Variants in RBBP8NL observed in about 807,000 individuals in gnomAD.
RBBP8NL encodes the protein RBBP8 N-terminal-like protein.
Under a neutral mutation model 62.2 loss-of-function variants are expected in RBBP8NL, and 59 were observed. The ratio of observed to expected loss-of-function variants is 0.95; its 90% CI spans 0.77 to 1.18. The LOEUF (loss-of-function observed/expected upper bound fraction) is 1.18. RBBP8NL is among the 50% of genes most tolerant of loss of function. The pLI, the probability that RBBP8NL is intolerant of heterozygous loss-of-function variation, is 0.00. For synonymous variants in RBBP8NL, 412 were observed against 394.1 expected (o/e 1.05, Z -0.54); for missense variants, 896 against 899.5 (o/e 1.00, Z 0.05).
intron 1 of RBBP8NL, among the ~76,000 whole-genome samples, chr20:62,427,214 A>G (rs1385353649): frequency 1.3e-5 from 2 of 152,208 alleles, no homozygotes; most frequent in Non-Finnish European, 2.9e-5. Context: ...GTGCCAGACT[A>G]GGCCTGGCCT....
At chr20:62,416,303 C>A in intron 5 of RBBP8NL, 67 bp from the exon 6 acceptor site, 1 of 1,293,554 alleles carries the variant, frequency 7.7e-7, no homozygotes, top group South Asian at 1.3e-5. Flanking sequence ...GTGGGGTCGT[C>A]ACAGCACCAG....
At chr20:62,427,409 C>T (rs981194666) in intron 1 of RBBP8NL, 51 bp downstream of exon 1, 1 of 152,294 alleles carries the variant, frequency 6.6e-6, no homozygotes, top group Non-Finnish European at 1.5e-5. Flanking sequence ...CCAGGGATCC[C>T]AGCTCACCCG....
At chr20:62,426,137 TGGTAGC>T (rs949215141) in intron 1 of RBBP8NL, among the ~76,000 whole-genome samples, 3 of 150,470 alleles carry the variant, frequency 2.0e-5, no homozygotes, top group Non-Finnish European at 4.4e-5. Context: ...GCAGTGGCAG[TGGTAGC>T]AGTAGCAGTG....
chr20:62,414,003 C>A lies in RBBP8NL; in HGVS notation c.1348G>T (p.Ala450Ser). The A allele has an allele frequency of 1.3e-6, 2 of 1,572,304 alleles. No individual in the cohort carries two copies. The highest frequency in any genetic ancestry group is 1.7e-6 in the Non-Finnish European group (2 of 1,159,588). The change falls in exon 10 of 14, where the codon GCC (alanine) becomes TCC (serine). Residue 450 changes from alanine (A) to serine (S), a missense_variant. Coordinates refer to ENST00000252998, the MANE Select transcript of RBBP8NL (RefSeq NM_080833.3). ...GGCTTGGGAGTGTCCTGGCCCCGGG[C>A]CCGGCCCCACTCCGAGAGGTCCAGG... Reference protein sequence around the residue: ...KPLDLSEWGRARGQDTPKPAG... With the variant: ...KPLDLSEWGRSRGQDTPKPAG...
chr20:62,418,225 CG>C (rs934122528), intron 3 of RBBP8NL, among the ~76,000 whole-genome samples, 197 bp downstream of exon 3: 3 of 152,186 alleles, frequency 2.0e-5, no homozygotes, highest in Non-Finnish European at 4.4e-5. Context: ...GGGAGGCCGA[CG>C]CAACTGGGTT....
chr20:62,413,914 G>T lies in RBBP8NL; in HGVS notation c.1437C>A (p.Thr479=). The T allele has an allele frequency of 1.3e-6, 2 of 1,593,338 alleles. No homozygotes were observed. Among genetic ancestry groups the T allele is most frequent in the Middle Eastern group, 1.7e-4 (1 of 5,846 alleles). Residue 479 remains threonine, a synonymous_variant, in exon 10 of 14, where the codon ACC becomes ACA. Transcript: ENST00000252998. ...AAHTASPEPP[T]QSGPLTRSPQ... is the part of the protein sequence containing the mutation. ...GACTGCGAGTCAGGGGTCCGGACTG[G>T]GTGGGTGGCTCGGGGCTGGCAGTGT...
intron 6 of RBBP8NL, 40 bp downstream of exon 6, chr20:62,416,124 G>A: frequency 4.4e-6 from 7 of 1,578,030 alleles, no homozygotes; most frequent in African/African-American, 1.3e-5. Flanking sequence ...GGGGTGCTGG[G>A]GAGTTGGGTG....
At position 62,416,862 on chromosome 20, in the gene RBBP8NL, C is replaced by T. The variant is rs766492830; in HGVS notation, c.211G>A (p.Gly71Ser). 42 of 1,561,708 alleles carry T rather than the reference C, an allele frequency of 2.7e-5. No homozygotes were observed. In the East Asian group the frequency reaches 2.8e-4, roughly 11 times the overall value. Residue 71 changes from glycine (G) to serine (S), a missense_variant, in exon 5 of 14, where the codon GGC (glycine) becomes AGC (serine). By Grantham distance (56) the Gly-to-Ser change is moderately conservative (BLOSUM62 0). Coordinates refer to ENST00000252998, the MANE Select transcript of RBBP8NL (RefSeq NM_080833.3). Reference protein sequence around the residue: ...LRVLENRLRAGLCDRCMVTQE... With the variant: ...LRVLENRLRASLCDRCMVTQE... ...GTGACCATGCAGCGGTCGCACAGGC[C>T]GGCCCGCAGCCTGCAGGGATGGGGA...
chr20:62,413,621 T>C (rs1988486638), intron 10 of RBBP8NL, 76 bp from the exon 11 acceptor site: 3 of 1,477,966 alleles, frequency 2.0e-6, no homozygotes, highest in South Asian at 2.8e-5. Context: ...GGACAGCCGG[T>C]GGGACCCCTC....
Position 62,410,535 on chromosome 20 carries a change from GC to G in RBBP8NL, c.*342del. ...ACACCCCTCAGGGAGCAGGTGCTGG[GC>G]TGTGGGAGGGGCCGCAGAGCATTTC... is the stretch of plus-strand genomic sequence containing the variant. On this transcript the variant is annotated 3_prime_UTR_variant, in exon 14 of 14. Coordinates refer to ENST00000252998, the MANE Select transcript of RBBP8NL (RefSeq NM_080833.3). 6.3e-6 allele frequency: 2 copies of G among 319,414 alleles called. No individual in the cohort carries two copies. Among genetic ancestry groups the G allele is most frequent in the South Asian group, 4.8e-5 (1 of 20,640 alleles). 19.8% of individuals were successfully genotyped at this position (319,414 alleles called of 1,614,324 possible). A position where few individuals can be genotyped will look rare whatever the true frequency, so the allele number is the denominator to read the frequency against.
Position 62,413,963 on chromosome 20 carries a change from C to A in RBBP8NL, c.1388G>T (p.Gly463Val). 1 of 1,577,348 alleles carries A rather than the reference C, an allele frequency of 6.3e-7. No homozygotes were observed. Among genetic ancestry groups the A allele is most frequent in the Non-Finnish European group, 8.6e-7 (1 of 1,162,924 alleles). ...QDTPKPAGQH[G>V]SLSPAAAHTA... ...GTGGGCAGCGGCAGGGCTGAGTGAC[C>A]CATGCTGGCCGGCCGGCTTGGGAGT... The change falls in exon 10 of 14, where the codon GGG (glycine) becomes GTG (valine). Residue 463 changes from glycine (G) to valine (V), a missense_variant. By Grantham distance (109) the Gly-to-Val change is moderately radical (BLOSUM62 -3). Transcript: ENST00000252998.
chr20:62,415,246 G>C lies in RBBP8NL; in HGVS notation c.669C>G (p.Ala223=), dbSNP rs6121578. 2 of 1,562,156 alleles carry C rather than the reference G, an allele frequency of 1.3e-6. No individual in the cohort carries two copies. The highest frequency in any genetic ancestry group is 1.7e-6 in the Non-Finnish European group (2 of 1,158,666). The change falls in exon 9 of 14, where the codon GCC becomes GCG. Residue 223 remains alanine, a synonymous_variant. Coordinates refer to ENST00000252998, the MANE Select transcript of RBBP8NL (RefSeq NM_080833.3). ...RISNQLHGTI[A]VVRPGSQACP... is the part of the protein sequence containing the mutation. ...AAGCCTGGGACCCAGGCCGCACCACGGCAATGGTCCCGTGCAGCTGGTTGG... is the reference window on the plus strand; with the variant it reads ...AAGCCTGGGACCCAGGCCGCACCACCGCAATGGTCCCGTGCAGCTGGTTGG...
At chr20:62,418,808 A>G (rs1173436780) in intron 2 of RBBP8NL, among the ~76,000 whole-genome samples, 1 of 152,010 alleles carries the variant, frequency 6.6e-6, no homozygotes, top group African/African-American at 2.4e-5. Flanking sequence ...TGTCATAGCT[A>G]GTGTTGAAAT....
Position 62,421,412 on chromosome 20 carries a change from CGT to C in RBBP8NL, c.-83-1684_-83-1683del, listed in dbSNP as rs201825404. Reference sequence around the variant, plus strand: ...ACCCAAGTCAGTGTGCGTGAGTGTGCGTGTGTGTGCCGTGTATGCGTGATTGC... The same window carrying C: ...ACCCAAGTCAGTGTGCGTGAGTGTGCGTGTGTGCCGTGTATGCGTGATTGC... On this transcript the variant is annotated intron_variant, in intron 1 of 13. Transcript: ENST00000252998. 8.2e-3 allele frequency among the ~76,000 whole-genome samples: 752 copies of C among 91,436 alleles called. 8 individuals carry two copies. Among genetic ancestry groups the C allele is most frequent in the African/African-American group, 0.035 (686 of 19,512 alleles). The allele number at this position is 91,436 out of a possible 152,430, so 60.0% of individuals were successfully genotyped here. A position where few individuals can be genotyped will look rare whatever the true frequency, so the allele number is the denominator to read the frequency against.
In RBBP8NL at chr20:62,414,344, A is replaced by G; in HGVS notation, c.1007T>C (p.Leu336Pro). The G allele has an allele frequency of 6.4e-7, 1 of 1,556,186 alleles. No homozygotes were observed. The highest frequency in any genetic ancestry group is 8.7e-7 in the Non-Finnish European group (1 of 1,150,658). Reference sequence around the variant, plus strand: ...CGCCAGGGCACTGGGCAGCCCCAGCAGTTCTGTGGGCTCCTCCCAGGCCTC... The same window carrying G: ...CGCCAGGGCACTGGGCAGCCCCAGCGGTTCTGTGGGCTCCTCCCAGGCCTC... ...EAEAWEEPTE[L>P]LGLPSALAGM... The change falls in exon 10 of 14, where the codon CTG becomes CCG. Residue 336 changes from leucine to proline, a missense_variant. Physicochemically the swap from Leu to Pro is moderately conservative, Grantham distance 98. Coordinates refer to ENST00000252998, the MANE Select transcript of RBBP8NL (RefSeq NM_080833.3).
intron 1 of RBBP8NL, among the ~76,000 whole-genome samples, chr20:62,424,885 C>A (rs1336912142): frequency 2.0e-5 from 3 of 151,926 alleles, no homozygotes; most frequent in African/African-American, 7.3e-5. Context: ...GAGGGTGCAC[C>A]CCCCCCACCC....
intron 1 of RBBP8NL, among the ~76,000 whole-genome samples, chr20:62,424,853 G>A (rs1018193700): frequency 2.6e-5 from 4 of 152,114 alleles, no homozygotes; most frequent in African/African-American, 4.8e-5. Context: ...CCTACCTCAC[G>A]CATTCTCAGA....
In RBBP8NL at chr20:62,419,973, G is replaced by A. The variant is rs532420882; in HGVS notation, c.-83-243C>T. Among the ~76,000 whole-genome samples the A allele has an allele frequency of 3.9e-5, 6 of 152,288 alleles. No homozygotes were observed. In the East Asian group the frequency reaches 7.7e-4, roughly 20 times the overall value. Reference sequence around the variant, plus strand: ...GCCAGAGGGCAGGGTGCTGGCTGCCGTGCGGGAGGGGCTGGAGGGGCCAGG... The same window carrying A: ...GCCAGAGGGCAGGGTGCTGGCTGCCATGCGGGAGGGGCTGGAGGGGCCAGG... On this transcript the variant is annotated intron_variant, in intron 1 of 13. Transcript: ENST00000252998.
At chr20:62,418,514 A>T in intron 2 of RBBP8NL, 49 bp from the exon 3 acceptor site, 2 of 1,503,350 alleles carry the variant, frequency 1.3e-6, no homozygotes, top group Non-Finnish European at 1.8e-6. Flanking sequence ...CTGCTGCTTC[A>T]CCTTCAGTGT....
Sources: gnomAD v4.1 joint callset for allele counts (sites outside exome capture counted in the v4.1 genomes callset) on GRCh38, gnomAD v4.1.1 for gene constraint, MANE v1.5 for transcripts, NCBI Gene and HGNC (gene_info 2026-07-23, HGNC 2026-07-21) for gene names.